Variants in SOX5 observed in about 807,000 individuals in gnomAD.
SOX5 encodes SRY-box transcription factor 5, also known as transcription factor SOX-5.
A neutral mutation model predicts 92.0 loss-of-function variants in SOX5; 9 were observed. That is an observed-to-expected ratio of 0.10 (90% CI 0.06 to 0.17). The LOEUF (loss-of-function observed/expected upper bound fraction) is 0.17. SOX5 is among the 10% of genes least tolerant of loss of function. The pLI is 1.00. For synonymous variants in SOX5, 344 were observed against 336.3 expected (o/e 1.02, Z -0.25); for missense variants, 642 against 944.5 (o/e 0.68, Z 4.20).
At chr12:23,688,317 T>C (rs1274179913) in intron 6 of SOX5, among the ~76,000 whole-genome samples, 1 of 152,118 alleles carries the variant, frequency 6.6e-6, no homozygotes, top group Non-Finnish European at 1.5e-5. Context: ...CACTGTATTA[T>C]TAAATAATCA....
intron 2 of SOX5, among the ~76,000 whole-genome samples, chr12:23,858,849 A>C (rs1195959783): frequency 6.6e-6 from 1 of 152,238 alleles, no homozygotes; most frequent in East Asian, 1.9e-4. Flanking sequence ...TTTCATGGAC[A>C]TTTATTAGTT....
intron 4 of SOX5, among the ~76,000 whole-genome samples, chr12:24,106,098 G>T (rs1946633986): frequency 6.6e-6 from 1 of 151,702 alleles, no homozygotes; most frequent in Admixed American, 6.6e-5. Context: ...AAAATCATTT[G>T]CATTTTAAAA....
chr12:24,442,582 G>T (rs895812245), intron 1 of SOX5, among the ~76,000 whole-genome samples: 1 of 152,180 alleles, frequency 6.6e-6, no homozygotes, highest in African/African-American at 2.4e-5. Context: ...AAGAGGAGAC[G>T]TTAATGAGAA....
intron 4 of SOX5, among the ~76,000 whole-genome samples, chr12:24,022,728 A>G (rs1259459656): frequency 6.6e-6 from 1 of 152,092 alleles, no homozygotes; most frequent in Non-Finnish European, 1.5e-5. Context: ...GCTGAAGAGG[A>G]CGGTCCTCTT....
intron 4 of SOX5, among the ~76,000 whole-genome samples, chr12:24,054,797 A>T (rs1193505543): frequency 6.6e-6 from 1 of 152,242 alleles, no homozygotes; most frequent in Non-Finnish European, 1.5e-5. Context: ...CGTTCTATGA[A>T]AGTCAAGTGA....
intron 3 of SOX5, among the ~76,000 whole-genome samples, chr12:24,249,524 A>C (rs1321755432): frequency 6.6e-6 from 1 of 152,176 alleles, no homozygotes; most frequent in Non-Finnish European, 1.5e-5. Context: ...GCAGCCTGTA[A>C]TTTTACTCAT....
intron 1 of SOX5, among the ~76,000 whole-genome samples, chr12:23,903,822 A>C (rs1210212382): frequency 2.0e-5 from 3 of 152,222 alleles, no homozygotes; most frequent in African/African-American, 4.8e-5. Flanking sequence ...ATTAGGAATT[A>C]AACTTTACTG....
intron 10 of SOX5, among the ~76,000 whole-genome samples, chr12:23,572,632 G>A (rs1465175608): frequency 6.6e-6 from 1 of 152,122 alleles, no homozygotes; most frequent in Admixed American, 6.6e-5. Flanking sequence ...ACATATTCCA[G>A]TTCTAACAAC....
chr12:24,477,365 C>G (rs1945509803), intron 1 of SOX5, among the ~76,000 whole-genome samples: 1 of 152,072 alleles, frequency 6.6e-6, no homozygotes, highest in African/African-American at 2.4e-5. Context: ...AACTCCTGAC[C>G]TCAAATGATC....
In SOX5 at chr12:23,970,841, A is replaced by ATATTTTTTT; in HGVS notation, c.-1-74818_-1-74817insAAAAAAATA. Among the ~76,000 whole-genome samples, 13 of 21,878 alleles carry ATATTTTTTT rather than the reference A, an allele frequency of 5.9e-4. 3 individuals are homozygous for ATATTTTTTT. Among genetic ancestry groups the ATATTTTTTT allele is most frequent in the Non-Finnish European group, 1.1e-3 (11 of 9,706 alleles). The allele number at this position is 21,878 out of a possible 152,430, so 14.4% of individuals were successfully genotyped here. A position where few individuals can be genotyped will look rare whatever the true frequency, so the allele number is the denominator to read the frequency against. ...ACATGGGACTTTATATATATATATAATTTTTTTTTTTTTTTAAGAAATGGG... is the reference window on the plus strand; with the variant it reads ...ACATGGGACTTTATATATATATATAATATTTTTTTTTTTTTTTTTTTTTTAAGAAATGGG... On this transcript the variant is annotated intron_variant, in intron 4 of 4. Coordinates refer to the SOX5 transcript ENST00000446891.
At chr12:24,033,266 T>C (rs1955691120) in intron 4 of SOX5, among the ~76,000 whole-genome samples, 1 of 151,936 alleles carries the variant, frequency 6.6e-6, no homozygotes, top group South Asian at 2.1e-4. Context: ...TGTCCTAAAA[T>C]TGTAAGTTAA....
intron 1 of SOX5, among the ~76,000 whole-genome samples, chr12:23,899,236 T>C (rs967301710): frequency 6.6e-6 from 1 of 151,992 alleles, no homozygotes; most frequent in Non-Finnish European, 1.5e-5. Flanking sequence ...ACCCCATCTC[T>C]ACTAAAAATA....
chr12:24,510,222 A>G (rs1949181637), intron 1 of SOX5, among the ~76,000 whole-genome samples: 1 of 152,210 alleles, frequency 6.6e-6, no homozygotes, highest in South Asian at 2.1e-4. Context: ...ATCAACACAC[A>G]GGTGAACACA....
At chr12:24,004,032 C>A (rs1407711472) in intron 4 of SOX5, among the ~76,000 whole-genome samples, 1 of 151,876 alleles carries the variant, frequency 6.6e-6, no homozygotes, top group East Asian at 1.9e-4. Flanking sequence ...CACTAAGGTG[C>A]CAAAGCAATT....
At chr12:24,343,068 C>T (rs950102694) in intron 2 of SOX5, among the ~76,000 whole-genome samples, 1 of 152,222 alleles carries the variant, frequency 6.6e-6, no homozygotes, top group Non-Finnish European at 1.5e-5. Flanking sequence ...GTTTAATAGT[C>T]ACCTTCACAA....
Position 23,808,573 on chromosome 12 carries a change from A to C in SOX5, c.481+37410T>G, listed in dbSNP as rs376151097. On this transcript the variant is annotated intron_variant, in intron 3 of 14. Transcript: ENST00000451604. ...GATAAAAATATTTCATACTTAAATA[A>C]ATTTCTATACAAGCATGCATATATA... 8.9e-4 allele frequency among the ~76,000 whole-genome samples: 135 copies of C among 152,322 alleles called. 1 individual carries two copies. The South Asian group carries it at 0.014, about 16-fold the overall frequency.
At chr12:24,235,869 C>T (rs1371132997) in intron 3 of SOX5, among the ~76,000 whole-genome samples, 1 of 152,112 alleles carries the variant, frequency 6.6e-6, no homozygotes, top group Admixed American at 6.5e-5. Flanking sequence ...TAATAGACAA[C>T]TTTGCATGAT....
intron 1 of SOX5, among the ~76,000 whole-genome samples, chr12:24,433,499 T>C (rs987035148): frequency 1.1e-4 from 17 of 152,194 alleles, no homozygotes; most frequent in Admixed American, 6.5e-5. Context: ...AGGATAGACA[T>C]TTGATTAAAG....
At chr12:24,414,634 AG>A (rs1305873528) in intron 1 of SOX5, among the ~76,000 whole-genome samples, 1 of 152,222 alleles carries the variant, frequency 6.6e-6, no homozygotes, top group East Asian at 1.9e-4. Flanking sequence ...GATGACGGAC[AG>A]GAAAAGAGAA....
Sources: allele counts gnomAD v4.1 joint callset (sites outside exome capture counted in the v4.1 genomes callset), GRCh38; gene constraint gnomAD v4.1.1; transcripts MANE v1.5; gene names NCBI Gene and HGNC (gene_info 2026-07-23, HGNC 2026-07-21).